STX8: variants seen among roughly 807,000 people sequenced by gnomAD.
STX8 encodes syntaxin 8, also known as syntaxin-8.
In STX8, 23 loss-of-function variants were observed where a neutral mutation model predicts 37.5. The ratio of observed to expected loss-of-function variants is 0.61; its 90% CI spans 0.44 to 0.87. The LOEUF (loss-of-function observed/expected upper bound fraction) is 0.87, where lower values mean the gene tolerates loss of function less well. Ranked by LOEUF, STX8 falls within the 40% of genes least tolerant of loss-of-function variation. The probability of loss-of-function intolerance (pLI) is 0.00; values close to 1 mark genes in which losing one functional copy is unlikely to be tolerated. For missense variants in STX8, 313 were observed against 284.7 expected (o/e 1.10, Z -0.71); for synonymous variants, 115 against 99.1 (o/e 1.16, Z -0.95).
chr17:9,569,029 G>A lies in STX8; in HGVS notation c.18-559C>T, dbSNP rs901963338. Among the ~76,000 whole-genome samples the A allele has an allele frequency of 2.0e-5, 3 of 152,196 alleles. No homozygotes were observed. In the East Asian group the frequency reaches 5.8e-4, roughly 29 times the overall value. On this transcript the variant is annotated intron_variant, in intron 1 of 7. Transcript: ENST00000306357. ...CCATTACCATCTCCAACTCACACAT[G>A]AGAAAAGGAGGCACAAAGAGTTAGA...
chr17:9,251,474 C>T (rs930525064), intron 7 of STX8, among the ~76,000 whole-genome samples: 1 of 152,220 alleles, frequency 6.6e-6, no homozygotes, highest in African/African-American at 2.4e-5. Flanking sequence ...CGCCCTACTA[C>T]AAAGTAAGCA....
At chr17:9,387,220 G>A (rs997826162) in intron 6 of STX8, among the ~76,000 whole-genome samples, 6 of 152,166 alleles carry the variant, frequency 3.9e-5, no homozygotes, top group Admixed American at 2.0e-4. Flanking sequence ...GGAGGACTTG[G>A]ACACATAGCT....
rs112759461 is a variant in STX8 at position 9,253,967 on chromosome 17, T to C, written c.644-3322A>G. Among the ~76,000 whole-genome samples, 717 of 152,308 alleles carry C rather than the reference T, an allele frequency of 4.7e-3. 9 individuals carry two copies. Among genetic ancestry groups the C allele is most frequent in the African/African-American group, 0.015 (635 of 41,558 alleles). ...CTCAAGGCATGCGCAGTCACTGCCATCCCTGATTTGGCTCCCTGCAGTGAG... is the reference window on the plus strand; with the variant it reads ...CTCAAGGCATGCGCAGTCACTGCCACCCCTGATTTGGCTCCCTGCAGTGAG... On this transcript the variant is annotated intron_variant, in intron 7 of 7. Transcript: ENST00000306357.
intron 2 of STX8, among the ~76,000 whole-genome samples, chr17:9,561,664 C>CAAAAAAAAAAAAAAAA (rs11353116): frequency 1.5e-5 from 1 of 66,670 alleles, no homozygotes; most frequent in Non-Finnish European, 2.6e-5. Flanking sequence ...TCCATCTGGC[C>CAAAAAAAAAAAAAAAA]AAAAAAAAAA....
intron 7 of STX8, among the ~76,000 whole-genome samples, chr17:9,325,359 A>T (rs1208343766): frequency 6.6e-6 from 1 of 152,196 alleles, no homozygotes; most frequent in Non-Finnish European, 1.5e-5. Context: ...ATAAGGGCTT[A>T]TAAGGTATGT....
chr17:9,382,171 T>TTA (rs1490634996), intron 6 of STX8, among the ~76,000 whole-genome samples: 1 of 146,972 alleles, frequency 6.8e-6, no homozygotes, highest in Non-Finnish European at 1.5e-5. Context: ...AAGAAAACAC[T>TTA]CACACACACA....
intron 7 of STX8, among the ~76,000 whole-genome samples, chr17:9,332,180 G>A (rs1909982055): frequency 6.6e-6 from 1 of 152,130 alleles, no homozygotes; most frequent in South Asian, 2.1e-4. Context: ...CATTTCCCAG[G>A]CAATACAAGA....
chr17:9,274,390 C>T (rs1049749093), intron 7 of STX8, among the ~76,000 whole-genome samples: 5 of 151,950 alleles, frequency 3.3e-5, no homozygotes, highest in Admixed American at 1.3e-4. Context: ...TCAGGCCGGG[C>T]GCGGTGGCTC....
intron 4 of STX8, among the ~76,000 whole-genome samples, chr17:9,531,506 A>T (rs1160625346): frequency 1.3e-5 from 2 of 152,154 alleles, no homozygotes; most frequent in Non-Finnish European, 2.9e-5. Flanking sequence ...AGTTACCCAC[A>T]CTCCGAAAAT....
intron 7 of STX8, among the ~76,000 whole-genome samples, chr17:9,355,032 C>T (rs1372438549): frequency 6.6e-6 from 1 of 152,178 alleles, no homozygotes; most frequent in Non-Finnish European, 1.5e-5. Context: ...TCTGTTGTCC[C>T]CTACCTCCCA....
chr17:9,353,101 G>C (rs1910764386), intron 7 of STX8, among the ~76,000 whole-genome samples: 2 of 3,604 alleles, frequency 5.5e-4, no homozygotes, highest in Non-Finnish European at 9.6e-3. Flanking sequence ...TGACTATGTT[G>C]ACCGTCAGAC....
intron 6 of STX8, among the ~76,000 whole-genome samples, chr17:9,483,219 T>A (rs1162195732): frequency 6.6e-6 from 1 of 152,092 alleles, no homozygotes; most frequent in African/African-American, 2.4e-5. Context: ...ATCCATTTCC[T>A]GGCTTTATTC....
chr17:9,258,417 T>C (rs898164535), intron 7 of STX8, among the ~76,000 whole-genome samples: 1 of 152,200 alleles, frequency 6.6e-6, no homozygotes, highest in Non-Finnish European at 1.5e-5. Context: ...GGCTGGAGAA[T>C]GGTGGCTATG....
At chr17:9,318,874 C>T (rs890956226) in intron 7 of STX8, among the ~76,000 whole-genome samples, 3 of 152,074 alleles carry the variant, frequency 2.0e-5, no homozygotes, top group African/African-American at 7.2e-5. Flanking sequence ...ACAGAATAAT[C>T]ACACAGGATA....
chr17:9,432,349 C>A (rs1914013736), intron 6 of STX8, among the ~76,000 whole-genome samples: 1 of 152,148 alleles, frequency 6.6e-6, no homozygotes, highest in East Asian at 1.9e-4. Flanking sequence ...TCAATCTTAG[C>A]ACATTATTGA....
chr17:9,351,303 G>A (rs764104024), intron 7 of STX8, among the ~76,000 whole-genome samples: 10 of 150,184 alleles, frequency 6.7e-5, no homozygotes, highest in South Asian at 2.1e-4. Flanking sequence ...GATTACAGGC[G>A]CGCACCACCA....
chr17:9,277,193 A>G (rs1198032188), intron 7 of STX8, among the ~76,000 whole-genome samples: 1 of 152,188 alleles, frequency 6.6e-6, no homozygotes, highest in Non-Finnish European at 1.5e-5. Flanking sequence ...GAACATCTTC[A>G]TGACTTAAAA....
intron 7 of STX8, among the ~76,000 whole-genome samples, chr17:9,289,553 A>G (rs1211964845): frequency 2.0e-5 from 3 of 151,780 alleles, no homozygotes; most frequent in African/African-American, 7.3e-5. Context: ...TAGGGCAAGA[A>G]TTATAATAGA....
intron 7 of STX8, among the ~76,000 whole-genome samples, chr17:9,338,048 A>ACT (rs1388436382): frequency 1.9e-5 from 2 of 107,888 alleles, no homozygotes; most frequent in Non-Finnish European, 3.7e-5. Flanking sequence ...CCTCTGAAGG[A>ACT]TTTTTTTTTT....
Sources: allele counts gnomAD v4.1 joint callset (sites outside exome capture counted in the v4.1 genomes callset), GRCh38; gene constraint gnomAD v4.1.1; transcripts MANE v1.5; gene names NCBI Gene and HGNC (gene_info 2026-07-23, HGNC 2026-07-21).